The following LHX3 variants were observed in gnomAD, a reference collection of about 807,000 sequenced individuals.
LHX3 encodes LIM/homeobox protein Lhx3.
Under a neutral mutation model 32.4 loss-of-function variants are expected in LHX3, and 21 were observed. The observed-to-expected ratio is 0.65, with a 90% CI of 0.46 to 0.93. The LOEUF (loss-of-function observed/expected upper bound fraction) is 0.93. Ranked by LOEUF, LHX3 falls within the 40% of genes least tolerant of loss-of-function variation. The probability of loss-of-function intolerance (pLI) is 0.00; values close to 1 mark genes in which losing one functional copy is unlikely to be tolerated. For synonymous variants in LHX3, 258 were observed against 246.8 expected (o/e 1.05, Z -0.43); for missense variants, 626 against 560.0 (o/e 1.12, Z -1.19).
At position 136,200,696 on chromosome 9, in the gene LHX3, G is replaced by A; in HGVS notation, c.137C>T (p.Ala46Val). Residue 46 changes from alanine to valine, a missense_variant, in exon 2 of 6, where the codon GCT becomes GTT. By Grantham distance (64) the Ala-to-Val change is moderately conservative. Transcript: ENST00000371748. Reference sequence around the variant, plus strand: ...CTTGCTGTGCCAGTGGCGGTCCAGAGCCTTGAGGATGAAGCGGTCCAGGAT... The same window carrying A: ...CTTGCTGTGCCAGTGGCGGTCCAGAACCTTGAGGATGAAGCGGTCCAGGAT... Reference protein sequence around the residue: ...QHILDRFILKALDRHWHSKCL... With the variant: ...QHILDRFILKVLDRHWHSKCL... The A allele has an allele frequency of 2.5e-6, 4 of 1,613,568 alleles. No individual in the cohort carries two copies. In the South Asian group the frequency reaches 4.4e-5, roughly 18 times the overall value.
rs912915522 is a variant in LHX3, at chr9:136,197,705, G to T, written c.814C>A (p.Leu272Ile). The T allele has an allele frequency of 2.5e-6, 4 of 1,605,844 alleles. No homozygotes were observed. The highest frequency in any genetic ancestry group is 2.7e-5 in the African/African-American group (2 of 74,926). Residue 272 changes from leucine to isoleucine, a missense_variant, in exon 6 of 6, where the codon CTC becomes ATC. Physicochemically the swap from Leu to Ile is conservative, Grantham distance 5. Transcript: ENST00000371748. ...SLAEMGPANG[L>I]YGSLGEPTQA... is the part of the protein sequence containing the mutation. ...GTGGGTTCCCCCAAGCTCCCGTAGA[G>T]GCCATTGGCCGGGCCCATTTCCGCC...
Position 136,197,459 on chromosome 9 carries a change from C to G in LHX3, c.1060G>C (p.Gly354Arg), listed in dbSNP as rs774517354. 2 of 1,579,894 alleles carry G rather than the reference C, an allele frequency of 1.3e-6. No homozygotes were observed. Residue 354 changes from glycine (G) to arginine (R), a missense_variant, in exon 6 of 6, where the codon GGG becomes CGG. Coordinates refer to ENST00000371748, the MANE Select transcript of LHX3 (RefSeq NM_178138.6). ...LGLVPSGAPG[G>R]PPPMRVLAGN... ...GCCAGCACCCTCATGGGTGGGGGCCCGCCGGGGGCTCCCGAGGGCACAAGG... is the reference window on the plus strand; with the variant it reads ...GCCAGCACCCTCATGGGTGGGGGCCGGCCGGGGGCTCCCGAGGGCACAAGG...
Position 136,197,101 on chromosome 9 carries a change from C to T in LHX3, c.*224G>A. 1.7e-6 allele frequency: 1 copy of T among 592,726 alleles called. No individual in the cohort carries two copies. Among genetic ancestry groups the T allele is most frequent in the South Asian group, 2.0e-5 (1 of 49,480 alleles). The allele number at this position is 592,726 out of a possible 1,614,324, so 36.7% of individuals were successfully genotyped here. On this transcript the variant is annotated 3_prime_UTR_variant, in exon 6 of 6. Coordinates refer to ENST00000371748, the MANE Select transcript of LHX3 (RefSeq NM_178138.6). ...GAAATTTGCTTACAAAAAAGGCTGG[C>T]TTGCTGGGAGGCCACCTGGCGGGCC...
At position 136,198,820 on chromosome 9, in the gene LHX3, C is replaced by T. The variant is rs1461756903; in HGVS notation, c.607G>A (p.Val203Ile). 20 of 1,605,516 alleles carry T rather than the reference C, an allele frequency of 1.2e-5. No individual in the cohort carries two copies. The highest frequency in any genetic ancestry group is 1.5e-5 in the Non-Finnish European group (18 of 1,177,506). The change falls in exon 5 of 6, where the codon GTT becomes ATT. Residue 203 changes from valine to isoleucine, a missense_variant and splice_region_variant. Val to Ile is a conservative substitution (Grantham distance 29). Coordinates refer to ENST00000371748, the MANE Select transcript of LHX3 (RefSeq NM_178138.6). ...ETGLDMRVVQ[V>I]WFQNRRAKEK... is the part of the protein sequence containing the mutation. ...TTGGCCCGGCGGTTCTGGAACCAAA[C>T]CTGGGGGCGGGGCGGGGTGAGCGGC... is the stretch of plus-strand genomic sequence containing the variant.
At chr9:136,199,227 G>A (rs1018519368) in intron 3 of LHX3, among the ~76,000 whole-genome samples, 168 bp from the exon 4 acceptor site, 37 of 152,026 alleles carry the variant, frequency 2.4e-4, no homozygotes, top group Non-Finnish European at 5.3e-4. Flanking sequence ...TGGCAAAAAC[G>A]GGCAGCACCC....
chr9:136,203,546 C>A lies in LHX3; in HGVS notation c.79+1388G>T, dbSNP rs202020410. Among the ~76,000 whole-genome samples, 75 of 152,322 alleles carry A rather than the reference C, an allele frequency of 4.9e-4. 1 individual carries two copies. The East Asian group carries it at 0.013, about 27-fold the overall frequency. On this transcript the variant is annotated intron_variant, in intron 1 of 5. Coordinates refer to ENST00000371748, the MANE Select transcript of LHX3 (RefSeq NM_178138.6). ...TTTGGCCTCGGGAGCAGCAGATGGT[C>A]GGCGGGAGCTCAACCCGAAACGCAG...
intron 1 of LHX3, among the ~76,000 whole-genome samples, chr9:136,204,625 C>T (rs760258750): frequency 6.8e-4 from 104 of 152,146 alleles, no homozygotes; most frequent in Non-Finnish European, 1.3e-3. Context: ...CAAGAGCTGA[C>T]GGGCACTGGT....
intron 1 of LHX3, 48 bp downstream of exon 1, chr9:136,204,886 C>G: frequency 6.7e-7 from 1 of 1,502,028 alleles, no homozygotes; most frequent in Non-Finnish European, 9.1e-7. Flanking sequence ...TTCCTCGCGC[C>G]TCTGCCGCCC....
Position 136,205,126 on chromosome 9 carries a change from A to G in LHX3, c.-114T>C. 4 of 870,540 alleles carry G rather than the reference A, an allele frequency of 4.6e-6. No individual in the cohort carries two copies. The highest frequency in any genetic ancestry group is 6.7e-6 in the Non-Finnish European group (4 of 598,310). 53.9% of individuals were successfully genotyped at this position (870,540 alleles called of 1,614,324 possible). A position where few individuals can be genotyped will look rare whatever the true frequency, so the allele number is the denominator to read the frequency against. ...GTGCGGGGCAGGGAGCCCGGGAGCC[A>G]CTGGGCCTGGCGCTGTCCGCGGTGC... is the stretch of plus-strand genomic sequence containing the variant. On this transcript the variant is annotated 5_prime_UTR_variant, in exon 1 of 6. Transcript: ENST00000371748.
At position 136,198,753 on chromosome 9, in the gene LHX3, C is replaced by T. The variant is rs768261900; in HGVS notation, c.674G>A (p.Gly225Glu). 6.2e-7 allele frequency: 1 copy of T among 1,611,550 alleles called. No individual in the cohort carries two copies. Among genetic ancestry groups the T allele is most frequent in the Non-Finnish European group, 8.5e-7 (1 of 1,179,826 alleles). The change falls in exon 5 of 6, where the codon GGG becomes GAG. Residue 225 changes from glycine to glutamate, a missense_variant. Coordinates refer to ENST00000371748, the MANE Select transcript of LHX3 (RefSeq NM_178138.6). Reference sequence around the variant, plus strand: ...GCGCTTCATGTTGCGGAAATACTGCCCCCAGCGCTGCCGGCCGGCGTCCTT... The same window carrying T: ...GCGCTTCATGTTGCGGAAATACTGCTCCCAGCGCTGCCGGCCGGCGTCCTT... ...LKKDAGRQRW[G>E]QYFRNMKRSR...
intron 5 of LHX3, 137 bp from the exon 6 acceptor site, chr9:136,197,880 C>T: frequency 1.1e-6 from 1 of 895,354 alleles, no homozygotes; most frequent in Non-Finnish European, 1.8e-6. Flanking sequence ...ATAACAGGCC[C>T]CTTCTACTGT....
chr9:136,200,395 G>A, intron 2 of LHX3, 187 bp downstream of exon 2: 1 of 643,824 alleles, frequency 1.6e-6, no homozygotes, highest in Non-Finnish European at 2.7e-6. Context: ...CACCCAGGGA[G>A]CACCCATGGA....
intron 5 of LHX3, 101 bp downstream of exon 5, chr9:136,198,551 C>T: frequency 7.5e-7 from 1 of 1,330,668 alleles, no homozygotes; most frequent in Non-Finnish European, 1.0e-6. Flanking sequence ...AAGGAGTCCA[C>T]TAACTCCATG....
intron 5 of LHX3, 62 bp from the exon 6 acceptor site, chr9:136,197,805 A>G: frequency 6.4e-6 from 10 of 1,571,188 alleles, no homozygotes; most frequent in Non-Finnish European, 7.8e-6. Flanking sequence ...TCAGAGTCCC[A>G]TCCTGCAGGC....
Position 136,197,135 on chromosome 9 carries a change from G to A in LHX3, c.*190C>T. On this transcript the variant is annotated 3_prime_UTR_variant, in exon 6 of 6. Coordinates refer to ENST00000371748, the MANE Select transcript of LHX3 (RefSeq NM_178138.6). ...AGGCCACCTGGCGGGCCAGCCCTGTGTCAGAGGAGGGGCCAGGTGGGTCCC... is the reference window on the plus strand; with the variant it reads ...AGGCCACCTGGCGGGCCAGCCCTGTATCAGAGGAGGGGCCAGGTGGGTCCC... 1 of 634,308 alleles carries A rather than the reference G, an allele frequency of 1.6e-6. No individual in the cohort carries two copies. Among genetic ancestry groups the A allele is most frequent in the Non-Finnish European group, 2.7e-6 (1 of 364,130 alleles). The allele number at this position is 634,308 out of a possible 1,614,324, so 39.3% of individuals were successfully genotyped here.
At chr9:136,200,437 G>T in intron 2 of LHX3, 145 bp downstream of exon 2, 1 of 961,646 alleles carries the variant, frequency 1.0e-6, no homozygotes, top group Non-Finnish European at 1.6e-6. Context: ...CCAGGCCACA[G>T]GGTGCCCTGC....
chr9:136,202,237 C>T (rs982678246), intron 1 of LHX3, among the ~76,000 whole-genome samples: 4 of 152,204 alleles, frequency 2.6e-5, no homozygotes, highest in African/African-American at 9.6e-5. Flanking sequence ...CGCGAGCCCC[C>T]ACAGCCTGGA....
chr9:136,199,825 C>T lies in LHX3; in HGVS notation c.307G>A (p.Val103Met), dbSNP rs150707583. The change falls in exon 3 of 6, where the codon GTG (valine) becomes ATG (methionine). Residue 103 changes from valine to methionine, a missense_variant. Transcript: ENST00000371748. ...TACACGAAGTCCTGGGCGCGGCGCA[C>T]CACCTGCGTGGGCGGGATGCCCAGC... ...CQLGIPPTQV[V>M]RRAQDFVYHL... is the part of the protein sequence containing the mutation. 7 of 1,610,584 alleles carry T rather than the reference C, an allele frequency of 4.3e-6. No individual in the cohort carries two copies. The Admixed American group carries it at 1.0e-4, about 23-fold the overall frequency.
chr9:136,200,176 C>T lies in LHX3; in HGVS notation c.252-296G>A, dbSNP rs569216566. 61 of 569,718 alleles carry T rather than the reference C, an allele frequency of 1.1e-4. No homozygotes were observed. The East Asian group carries it at 1.8e-3, about 17-fold the overall frequency. 35.3% of individuals were successfully genotyped at this position (569,718 alleles called of 1,614,324 possible). A position where few individuals can be genotyped will look rare whatever the true frequency, so the allele number is the denominator to read the frequency against. On this transcript the variant is annotated intron_variant, in intron 2 of 5. Transcript: ENST00000371748. ...GGACCCATCTGGGGCCAGTCCCTCA[C>T]ACCCCACAGCTGGAGCCATGAAGGC... is the stretch of plus-strand genomic sequence containing the variant.
Sources: gnomAD v4.1 joint callset for allele counts (sites outside exome capture counted in the v4.1 genomes callset) on GRCh38, gnomAD v4.1.1 for gene constraint, MANE v1.5 for transcripts, NCBI Gene and HGNC (gene_info 2026-07-23, HGNC 2026-07-21) for gene names.